The following NFIC variants were observed in gnomAD, a reference collection of about 807,000 sequenced individuals.
NFIC encodes the protein nuclear factor I C.
A neutral mutation model predicts 54.4 loss-of-function variants in NFIC; 12 were observed. That is an observed-to-expected ratio of 0.22 (90% confidence interval 0.14 to 0.36). The LOEUF (loss-of-function observed/expected upper bound fraction) is 0.36, where lower values mean the gene tolerates loss of function less well. Ranked by LOEUF, NFIC falls within the 10% of genes least tolerant of loss-of-function variation. The pLI, the probability that NFIC is intolerant of heterozygous loss-of-function variation, is 1.00. For missense variants in NFIC, 575 were observed against 718.2 expected (o/e 0.80, Z 2.28); for synonymous variants, 322 against 319.2 (o/e 1.01, Z -0.09).
At chr19:3,408,817 G>A (rs1325211032) in intron 2 of NFIC, among the ~76,000 whole-genome samples, 4 of 152,134 alleles carry the variant, frequency 2.6e-5, no homozygotes, top group African/African-American at 7.2e-5. Context: ...GACCAGGTTG[G>A]TCTCGAACTC....
rs1320844527 is a variant in NFIC at position 3,372,719 on chromosome 19, G to T, written c.30+6053G>T. Among the ~76,000 whole-genome samples the T allele has an allele frequency of 2.0e-5, 3 of 149,058 alleles. 1 individual carries two copies. Among genetic ancestry groups the T allele is most frequent in the Non-Finnish European group, 4.5e-5 (3 of 66,994 alleles). ...AGGGGCCCAGGAGTGGGGTGGGGGGGTGCCAGGAGGCCCAGGGACCAGTCC... is the reference window on the plus strand; with the variant it reads ...AGGGGCCCAGGAGTGGGGTGGGGGGTTGCCAGGAGGCCCAGGGACCAGTCC... On this transcript the variant is annotated intron_variant, in intron 1 of 10. Coordinates refer to ENST00000443272, the MANE Select transcript of NFIC (RefSeq NM_001245002.2).
In NFIC at chr19:3,438,365, G is replaced by A. The variant is rs2082238178; in HGVS notation, c.958+3158G>A. On this transcript the variant is annotated intron_variant, in intron 6 of 10. Transcript: ENST00000443272. Reference sequence around the variant, plus strand: ...TAGCAGGGAATGTCAGAGGAGGTCTGTGCTCCTGCAGCTTCCACTTGATTA... The same window carrying A: ...TAGCAGGGAATGTCAGAGGAGGTCTATGCTCCTGCAGCTTCCACTTGATTA... Among the ~76,000 whole-genome samples, 3 of 151,366 alleles carry A rather than the reference G, an allele frequency of 2.0e-5. No homozygotes were observed. In the South Asian group the frequency reaches 6.2e-4, roughly 32 times the overall value.
At chr19:3,361,632 C>T (rs2080812890), upstream of NFIC, among the ~76,000 whole-genome samples, 1 of 152,052 alleles carries the variant, frequency 6.6e-6, no homozygotes, top group African/African-American at 2.4e-5. Flanking sequence ...AGAAAACCCT[C>T]CCACAATGAC....
chr19:3,381,858 C>A lies in NFIC; in HGVS notation c.177C>A (p.Asp59Glu), dbSNP rs796703872. Residue 59 changes from aspartate (D) to glutamate (E), a missense_variant, in exon 2 of 11, where the codon GAC becomes GAA. Coordinates refer to ENST00000443272, the MANE Select transcript of NFIC (RefSeq NM_001245002.2). ...AGGACGAGGAGCGTGCGGTCAAGGA[C>A]GAGCTGCTGGGCGAGAAGCCCGAGG... is the stretch of plus-strand genomic sequence containing the variant. ...MSKDEERAVK[D>E]ELLGEKPEVK... The A allele has an allele frequency of 6.2e-7, 1 of 1,614,002 alleles. No individual in the cohort carries two copies.
chr19:3,385,497 A>G (rs2081280858), intron 2 of NFIC, among the ~76,000 whole-genome samples: 1 of 149,884 alleles, frequency 6.7e-6, no homozygotes, highest in African/African-American at 2.5e-5. Context: ...CGTTACTAAC[A>G]TTATCCTCTT....
chr19:3,433,647 G>A, intron 4 of NFIC, 55 bp downstream of exon 4: 3 of 1,575,482 alleles, frequency 1.9e-6, no homozygotes, highest in Non-Finnish European at 2.6e-6. Flanking sequence ...GGGGCCGCAG[G>A]GAGGAAGGAG....
In NFIC at chr19:3,370,095, T is replaced by G. The variant is rs2080972406; in HGVS notation, c.30+3429T>G. Among the ~76,000 whole-genome samples the G allele has an allele frequency of 6.6e-6, 1 of 152,160 alleles. No homozygotes were observed. The highest frequency in any genetic ancestry group is 2.4e-5 in the African/African-American group (1 of 41,440). The stretch of plus-strand genomic sequence containing the variant: ...CAGGGCCCAGGCCCAGTGTAGGTTC[T>G]TAGAGGGAGCTTGGGGGGTGCCTAC... On this transcript the variant is annotated intron_variant, in intron 1 of 10. Transcript: ENST00000443272. This position sits in a 1 kb window ranked among gnomAD's most constrained non-coding sequence, Gnocchi z 5.2.
chr19:3,454,152 C>A, intron 9 of NFIC: 1 of 1,287,184 alleles, frequency 7.8e-7, no homozygotes, highest in Non-Finnish European at 9.8e-7. Flanking sequence ...GGGTCTGTCC[C>A]CTTCGCCGAG....
At chr19:3,421,699 G>A (rs1185772833) in intron 2 of NFIC, among the ~76,000 whole-genome samples, 6 of 152,312 alleles carry the variant, frequency 3.9e-5, no homozygotes, top group Non-Finnish European at 7.3e-5. Context: ...CCATTAGCAC[G>A]GCGCCAGGCT....
intron 2 of NFIC, among the ~76,000 whole-genome samples, chr19:3,416,180 C>G (rs1282907811): frequency 6.7e-6 from 1 of 149,556 alleles, no homozygotes; most frequent in Non-Finnish European, 1.5e-5. Context: ...AAAAAAAAAT[C>G]AAGACCATGA....
At chr19:3,423,407 G>A (rs1056605305) in intron 2 of NFIC, among the ~76,000 whole-genome samples, 5 of 152,090 alleles carry the variant, frequency 3.3e-5, no homozygotes, top group Non-Finnish European at 1.5e-5. Flanking sequence ...GTCACACAGC[G>A]ATCGCGTCCT....
At position 3,465,855 on chromosome 19, in the gene NFIC, C is replaced by A. The variant is rs2082711540; in HGVS notation, c.*3086C>A. The A allele has an allele frequency of 1.3e-5, 2 of 152,226 alleles. No individual in the cohort carries two copies. Among genetic ancestry groups the A allele is most frequent in the Admixed American group, 6.5e-5 (1 of 15,278 alleles). The allele number at this position is 152,226 out of a possible 1,614,324, so 9.4% of individuals were successfully genotyped here. A position where few individuals can be genotyped will look rare whatever the true frequency, so the allele number is the denominator to read the frequency against. ...CCTGGCTCAGGGTCAAATGCTGTTCCACACCCACCTCAGAGGCACCCCCTC... is the reference window on the plus strand; with the variant it reads ...CCTGGCTCAGGGTCAAATGCTGTTCAACACCCACCTCAGAGGCACCCCCTC... On this transcript the variant is annotated 3_prime_UTR_variant, in exon 11 of 11. Coordinates refer to ENST00000443272, the MANE Select transcript of NFIC (RefSeq NM_001245002.2).
Position 3,463,508 on chromosome 19 carries a change from C to A in NFIC, c.*739C>A. The A allele has an allele frequency of 1.0e-6, 1 of 985,210 alleles. No homozygotes were observed. The highest frequency in any genetic ancestry group is 1.1e-4 in the East Asian group (1 of 8,736). The allele number at this position is 985,210 out of a possible 1,614,324, so 61.0% of individuals were successfully genotyped here. A position where few individuals can be genotyped will look rare whatever the true frequency, so the allele number is the denominator to read the frequency against. On this transcript the variant is annotated 3_prime_UTR_variant, in exon 11 of 11. Transcript: ENST00000443272. ...CGAGGGGGCCCTGCCTGCCGCGGGG[C>A]CTCCCCACAAGCCCCTCCCAAAGCG...
At chr19:3,396,451 A>C (rs992441799) in intron 2 of NFIC, among the ~76,000 whole-genome samples, 14 of 149,972 alleles carry the variant, frequency 9.3e-5, no homozygotes, top group African/African-American at 3.5e-4. Context: ...CAGCCGGGGC[A>C]ACAGAGTGAG....
chr19:3,402,844 G>A (rs957576686), intron 2 of NFIC, among the ~76,000 whole-genome samples: 5 of 152,190 alleles, frequency 3.3e-5, no homozygotes, highest in Admixed American at 6.5e-5. Flanking sequence ...GAGGAACAGC[G>A]AGGAGGCCCC....
At chr19:3,398,278 G>A (rs1170298260) in intron 2 of NFIC, among the ~76,000 whole-genome samples, 1 of 152,182 alleles carries the variant, frequency 6.6e-6, no homozygotes, top group Non-Finnish European at 1.5e-5. Context: ...GTATTAGGGA[G>A]AAGGGCCTGA....
chr19:3,435,192 G>C lies in NFIC; in HGVS notation c.943G>C (p.Glu315Gln), dbSNP rs1168044565. The change falls in exon 6 of 11, where the codon GAG becomes CAG. Residue 315 changes from glutamate to glutamine, a missense_variant. Around this residue, in one of 3 missense-constraint regions of NFIC, gnomAD observed 447 missense variants for 526.9 expected, o/e 0.85. Transcript: ENST00000443272. ...SPTSSSRNWT[E>Q]DMEGGISSPV... ...CACGAGTAGCAGCCGCAACTGGACG[G>C]AGGACATGGAAGGAGGTAGGGCTGG... 1 of 1,603,332 alleles carries C rather than the reference G, an allele frequency of 6.2e-7. No individual in the cohort carries two copies. Among genetic ancestry groups the C allele is most frequent in the African/African-American group, 1.3e-5 (1 of 74,916 alleles).
chr19:3,400,816 G>A (rs930709644), intron 2 of NFIC, among the ~76,000 whole-genome samples: 3 of 152,170 alleles, frequency 2.0e-5, no homozygotes, highest in Admixed American at 6.5e-5. Context: ...CACTCCAGCT[G>A]GGGCCACAGA....
rs1014256112 is a variant in NFIC at position 3,463,139 on chromosome 19, C to G, written c.*370C>G. 1 of 1,118,882 alleles carries G rather than the reference C, an allele frequency of 8.9e-7. No homozygotes were observed. Among genetic ancestry groups the G allele is most frequent in the African/African-American group, 1.6e-5 (1 of 60,690 alleles). The allele number at this position is 1,118,882 out of a possible 1,614,324, so 69.3% of individuals were successfully genotyped here. On this transcript the variant is annotated 3_prime_UTR_variant, in exon 11 of 11. Coordinates refer to ENST00000443272, the MANE Select transcript of NFIC (RefSeq NM_001245002.2). ...ATTCATCTCCTCTCCGCCTGCTGCT[C>G]GGGAAGGACAGACGCCGGCCGCCCG...
Sources: gnomAD v4.1 joint callset for allele counts (sites outside exome capture counted in the v4.1 genomes callset) on GRCh38, gnomAD v4.1.1 for gene constraint, gnomAD v4.1.1 regional missense constraint, Gnocchi (gnomAD v3.1) non-coding constraint, MANE v1.5 for transcripts, NCBI Gene and HGNC (gene_info 2026-07-23, HGNC 2026-07-21) for gene names.